PBX1: variants seen among roughly 807,000 people sequenced by gnomAD.
PBX1 encodes pre-B-cell leukemia transcription factor 1.
In PBX1, 6 loss-of-function variants were observed where a neutral mutation model predicts 53.4. The observed-to-expected ratio is 0.11, with a 90% confidence interval of 0.06 to 0.22. The LOEUF is 0.22. Ranked by LOEUF, PBX1 falls within the 10% of genes least tolerant of loss-of-function variation. The pLI, the probability that PBX1 is intolerant of heterozygous loss-of-function variation, is 1.00. For synonymous variants in PBX1, 204 were observed against 212.3 expected (o/e 0.96, Z 0.34); for missense variants, 251 against 551.4 (o/e 0.46, Z 5.46).
chr1:164,760,635 CA>C (rs1467500289), intron 2 of PBX1, among the ~76,000 whole-genome samples: 1 of 152,052 alleles, frequency 6.6e-6, no homozygotes, highest in Non-Finnish European at 1.5e-5. Context: ...GGTTGCAAGT[CA>C]GTTTTTGTAG....
intron 2 of PBX1, among the ~76,000 whole-genome samples, chr1:164,729,255 A>G (rs1664856526): frequency 6.6e-6 from 1 of 152,226 alleles, no homozygotes; most frequent in Non-Finnish European, 1.5e-5. Context: ...CTTTATTGAT[A>G]TGAAGTGAGT....
chr1:164,735,427 C>T (rs1431184234), intron 2 of PBX1, among the ~76,000 whole-genome samples: 1 of 152,026 alleles, frequency 6.6e-6, no homozygotes, highest in African/African-American at 2.4e-5. Flanking sequence ...TATATAAAGG[C>T]CTCATTGATG....
At chr1:164,807,758 A>G in intron 5 of PBX1, 81 bp downstream of exon 5, 1 of 1,491,942 alleles carries the variant, frequency 6.7e-7, no homozygotes, top group Non-Finnish European at 9.1e-7. Context: ...GTCTTGCTTT[A>G]CTGGACATTC....
chr1:164,745,059 A>G lies in PBX1; in HGVS notation c.266-47435A>G, dbSNP rs1665822196. Among the ~76,000 whole-genome samples the G allele has an allele frequency of 3.3e-5, 5 of 152,344 alleles. No homozygotes were observed. In the South Asian group the frequency reaches 8.3e-4, roughly 25 times the overall value. On this transcript the variant is annotated intron_variant, in intron 2 of 8. Coordinates refer to ENST00000420696, the MANE Select transcript of PBX1 (RefSeq NM_002585.4). ...TTCAAAGACCGGGAAACTGAGTCAG[A>G]GAGCAGCAGAACGTTGCTGAAGGCC...
intron 2 of PBX1, chr1:164,657,306 T>C (rs1008635063): frequency 6.6e-6 from 1 of 152,162 alleles, no homozygotes; most frequent in East Asian, 1.9e-4. Context: ...ATTCAGAAGG[T>C]GGGGACATCT....
chr1:164,651,051 AC>A (rs1486254861), intron 2 of PBX1, among the ~76,000 whole-genome samples: 1 of 151,882 alleles, frequency 6.6e-6, no homozygotes, highest in African/African-American at 2.4e-5. Context: ...GTCAGCTCCC[AC>A]CCCAGCCTCC....
In PBX1 at chr1:164,807,656, G is replaced by A; in HGVS notation, c.816G>A (p.Lys272=). Residue 272 remains lysine (K), a synonymous_variant, in exon 5 of 9, where the codon AAG becomes AAA. Transcript: ENST00000420696. ...AAGCCAAAGAGGAGTTAGCCAAGAA[G>A]TGTGGCATCACAGTCTCCCAGGTAA... ...SEEAKEELAK[K]CGITVSQVSN... 1 of 1,614,088 alleles carries A rather than the reference G, an allele frequency of 6.2e-7. No homozygotes were observed. Among genetic ancestry groups the A allele is most frequent in the Non-Finnish European group, 8.5e-7 (1 of 1,179,994 alleles).
intron 2 of PBX1, among the ~76,000 whole-genome samples, chr1:164,668,903 G>T (rs990807897): frequency 3.3e-5 from 5 of 152,186 alleles, no homozygotes; most frequent in African/African-American, 1.2e-4. Context: ...AAAATAATGG[G>T]AATTTCATTT....
intron 1 of PBX1, among the ~76,000 whole-genome samples, chr1:164,562,452 T>TACACACACACACACACACACAA (rs1653122115): frequency 7.0e-6 from 1 of 143,298 alleles, no homozygotes; most frequent in East Asian, 2.3e-4. Context: ...GCATTCAGAA[T>TACACACACACACACACACACAA]ACACACACAC....
chr1:164,842,447 T>C (rs10918078), intron 8 of PBX1, among the ~76,000 whole-genome samples: 55,894 of 152,068 alleles, frequency 0.37, 11,030 homozygotes, highest in African/African-American at 0.5. Flanking sequence ...AAATAGTCAT[T>C]TTTATTCCCG....
chr1:164,608,986 C>T (rs895596038), intron 2 of PBX1, among the ~76,000 whole-genome samples: 4 of 152,126 alleles, frequency 2.6e-5, no homozygotes, highest in African/African-American at 7.2e-5. Flanking sequence ...TATAAAACAT[C>T]TGCTCTTGGT....
intron 2 of PBX1, among the ~76,000 whole-genome samples, chr1:164,716,611 T>G (rs1664098215): frequency 6.7e-6 from 1 of 149,660 alleles, no homozygotes; most frequent in South Asian, 2.1e-4. Flanking sequence ...TGCCAACACT[T>G]TGGGAGGCCA....
In PBX1 at chr1:164,668,678, C is replaced by T. The variant is rs373869061; in HGVS notation, c.265+105367C>T. ...TCGCCTTACCTTCCCCAGGCGCAGCCAACACTTGACATCTTTTTATCAGAT... is the reference window on the plus strand; with the variant it reads ...TCGCCTTACCTTCCCCAGGCGCAGCTAACACTTGACATCTTTTTATCAGAT... On this transcript the variant is annotated intron_variant, in intron 2 of 8. Coordinates refer to ENST00000420696, the MANE Select transcript of PBX1 (RefSeq NM_002585.4). 3.3e-5 allele frequency among the ~76,000 whole-genome samples: 5 copies of T among 152,340 alleles called. No homozygotes were observed. The South Asian group carries it at 1.0e-3, about 32-fold the overall frequency.
chr1:164,704,694 A>T (rs891996357), intron 2 of PBX1, among the ~76,000 whole-genome samples: 4 of 152,204 alleles, frequency 2.6e-5, no homozygotes, highest in East Asian at 1.9e-4. Context: ...CTGGCTAAAA[A>T]GTTAGCTTTC....
chr1:164,880,367 C>T (rs935639461), intron 2 of PBX1, among the ~76,000 whole-genome samples: 35 of 152,190 alleles, frequency 2.3e-4, no homozygotes, highest in Admixed American at 5.9e-4. Flanking sequence ...AATGCACTCT[C>T]ATCTACATTA....
In PBX1 at chr1:164,627,451, A is replaced by G. The variant is rs1312774935; in HGVS notation, c.265+64140A>G. On this transcript the variant is annotated intron_variant, in intron 2 of 8. Transcript: ENST00000420696. ...GAAGCCTATGCATGTTCAATCCAGC[A>G]AGAGGTGCCTCCTGTTTTGGTGAGC... is the stretch of plus-strand genomic sequence containing the variant. Among the ~76,000 whole-genome samples, 8 of 152,296 alleles carry G rather than the reference A, an allele frequency of 5.3e-5. No individual in the cohort carries two copies. In the Middle Eastern group the frequency reaches 0.02, roughly 389 times the overall value.
chr1:164,675,047 G>C (rs1661355900), intron 2 of PBX1, among the ~76,000 whole-genome samples: 1 of 152,126 alleles, frequency 6.6e-6, no homozygotes, highest in South Asian at 2.1e-4. Context: ...CCCATTTTAA[G>C]ATAAGGAAAC....
At chr1:164,755,025 T>C (rs995442739) in intron 2 of PBX1, among the ~76,000 whole-genome samples, 2 of 152,088 alleles carry the variant, frequency 1.3e-5, no homozygotes, top group African/African-American at 4.8e-5. Context: ...ATTTTGAGAG[T>C]CTGCACACAA....
chr1:164,821,529 C>T lies in PBX1; in HGVS notation c.1111-8C>T. The T allele has an allele frequency of 6.2e-7, 1 of 1,609,712 alleles. No homozygotes were observed. Among genetic ancestry groups the T allele is most frequent in the South Asian group, 1.1e-5 (1 of 90,986 alleles). On this transcript the variant is annotated splice_polypyrimidine_tract_variant and splice_region_variant and intron_variant, in intron 7 of 8. Coordinates refer to ENST00000420696, the MANE Select transcript of PBX1 (RefSeq NM_002585.4). ...TAATTTTCTCTCTGTTATTGTTCATCTGTTTAGGTGGATACCCTTCGCCAT... is the reference window on the plus strand; with the variant it reads ...TAATTTTCTCTCTGTTATTGTTCATTTGTTTAGGTGGATACCCTTCGCCAT...
Sources: gnomAD v4.1 joint callset for allele counts (sites outside exome capture counted in the v4.1 genomes callset) on GRCh38, gnomAD v4.1.1 for gene constraint, MANE v1.5 for transcripts, NCBI Gene and HGNC (gene_info 2026-07-23, HGNC 2026-07-21) for gene names.